The following PRSS38 variants were observed in gnomAD, a reference collection of about 807,000 sequenced individuals.
The protein encoded by PRSS38 is marapsin 2.
PRSS38 carries 22 observed loss-of-function variants against 26.8 expected under a neutral mutation model. The observed-to-expected ratio is 0.82, with a 90% CI of 0.59 to 1.17. The LOEUF is 1.17. Among genes scored for constraint, PRSS38 ranks in the 50% most tolerant of loss-of-function variants. The probability of loss-of-function intolerance (pLI) is 0.00; values close to 1 mark genes in which losing one functional copy is unlikely to be tolerated. For missense variants in PRSS38, 427 were observed against 422.7 expected, an observed-to-expected ratio of 1.01 and a Z score of -0.09; for synonymous variants, 175 against 172.1, an observed-to-expected ratio of 1.02 and a Z score of -0.13.
intron 3 of PRSS38, among the ~76,000 whole-genome samples, chr1:227,844,174 T>A (rs376408906): frequency 6.6e-6 from 1 of 152,200 alleles, no homozygotes; most frequent in East Asian, 1.9e-4. Context: ...AACACAGGAT[T>A]GGGGTTAGGG....
chr1:227,833,603 C>T lies in PRSS38; in HGVS notation c.584-11867C>T, dbSNP rs144969547. ...ACCATGAAGCTGCAATAGTCAAAAT[C>T]GTGGGTTATGGCATAAGGAGAGATA... On this transcript the variant is annotated intron_variant, in intron 3 of 4. Coordinates refer to ENST00000366757, the Ensembl canonical transcript of PRSS38. Among the ~76,000 whole-genome samples the T allele has an allele frequency of 4.0e-5, 6 of 151,886 alleles. No individual in the cohort carries two copies. In the East Asian group the frequency reaches 7.7e-4, roughly 20 times the overall value.
chr1:227,838,939 C>T (rs1316388081), intron 3 of PRSS38, among the ~76,000 whole-genome samples: 1 of 152,172 alleles, frequency 6.6e-6, no homozygotes, highest in Admixed American at 6.5e-5. Flanking sequence ...CCTGCCTTGG[C>T]CTCCCAAAGT....
intron 3 of PRSS38, among the ~76,000 whole-genome samples, chr1:227,836,130 G>C (rs933192719): frequency 5.3e-5 from 8 of 151,402 alleles, no homozygotes; most frequent in African/African-American, 1.9e-4. Flanking sequence ...ACAAGGTCTT[G>C]CTCTGTTGCC....
At chr1:227,840,317 C>T (rs2102684846) in intron 3 of PRSS38, among the ~76,000 whole-genome samples, 1 of 152,094 alleles carries the variant, frequency 6.6e-6, no homozygotes, top group African/African-American at 2.4e-5. Context: ...AGATGGGGGT[C>T]TCACTATGTT....
chr1:227,845,673 AG>A, intron 4 of PRSS38, 61 bp downstream of exon 4: 1 of 1,564,778 alleles, frequency 6.4e-7, no homozygotes, highest in Non-Finnish European at 8.7e-7. Context: ...TGGACCCCAC[AG>A]GACCCCACTC....
At chr1:227,827,958 A>T (rs1396597719) in intron 3 of PRSS38, among the ~76,000 whole-genome samples, 2 of 152,358 alleles carry the variant, frequency 1.3e-5, no homozygotes, top group East Asian at 3.9e-4. Context: ...ACCTAAAATC[A>T]TTCAAGAGCA....
intron 3 of PRSS38, among the ~76,000 whole-genome samples, chr1:227,830,602 G>A (rs1665140003): frequency 6.7e-6 from 1 of 149,682 alleles, no homozygotes; most frequent in South Asian, 2.1e-4. Flanking sequence ...CTGGGTTCAA[G>A]CGATTCTCCT....
intron 3 of PRSS38, among the ~76,000 whole-genome samples, chr1:227,819,440 AGT>A (rs1359405058): frequency 3.3e-5 from 5 of 152,220 alleles, no homozygotes; most frequent in Admixed American, 2.6e-4. Context: ...GTTTCTCAAA[AGT>A]ATGTGCACCC....
chr1:227,815,836 C>T (rs1213205234), exon 1 of PRSS38: 1 of 1,611,288 alleles, frequency 6.2e-7, no homozygotes, highest in Non-Finnish European at 8.5e-7. Flanking sequence ...AGCCAGAGAA[C>T]CAGGGAATCT....
chr1:227,815,861 G>T, exon 1 of PRSS38: 1 of 1,604,728 alleles, frequency 6.2e-7, no homozygotes, highest in Non-Finnish European at 8.5e-7. Flanking sequence ...AACTGGCAGC[G>T]TGGGTAGGCC....
intron 3 of PRSS38, among the ~76,000 whole-genome samples, chr1:227,839,812 G>A (rs563730666): frequency 2.6e-5 from 4 of 152,268 alleles, no homozygotes; most frequent in South Asian, 2.1e-4. Flanking sequence ...TAGAGTCACC[G>A]TCATCCAGCA....
rs578035548 is a variant in PRSS38, at chr1:227,816,487, C to T, written c.311+235C>T. 2.6e-5 allele frequency among the ~76,000 whole-genome samples: 4 copies of T among 152,052 alleles called. No homozygotes were observed. The highest frequency in any genetic ancestry group is 9.6e-5 in the African/African-American group (4 of 41,480). On this transcript the variant is annotated intron_variant, in intron 2 of 4. Coordinates refer to ENST00000366757, the Ensembl canonical transcript of PRSS38. The surrounding 1 kb of genome is among the most constrained non-coding windows in gnomAD (Gnocchi z 5.1). ...CACAGCCAGGTCCTCAAGAGTGATG[C>T]TGGTCCCCAAGATCACAGCCAGGTC...
intron 3 of PRSS38, among the ~76,000 whole-genome samples, chr1:227,834,703 G>A (rs1309111166): frequency 1.3e-5 from 2 of 151,056 alleles, no homozygotes; most frequent in African/African-American, 4.9e-5. Flanking sequence ...GGTGGCGAGT[G>A]CCTGTAGTGC....
Position 227,816,582 on chromosome 1 carries a change from C to T in PRSS38, c.311+330C>T, listed in dbSNP as rs1046319768. On this transcript the variant is annotated intron_variant, in intron 2 of 4. Transcript: ENST00000366757. The surrounding 1 kb of genome is among the most constrained non-coding windows in gnomAD (Gnocchi z 5.1). ...TGAGCTAGGTTGGTCCTCAAATGCACAGCCTGGTCCCCATGTGCAAGGCTG... is the reference window on the plus strand; with the variant it reads ...TGAGCTAGGTTGGTCCTCAAATGCATAGCCTGGTCCCCATGTGCAAGGCTG... Among the ~76,000 whole-genome samples, 4 of 151,966 alleles carry T rather than the reference C, an allele frequency of 2.6e-5. No individual in the cohort carries two copies. Among genetic ancestry groups the T allele is most frequent in the Admixed American group, 6.6e-5 (1 of 15,264 alleles).
chr1:227,845,266 T>C (rs530026017), intron 3 of PRSS38, among the ~76,000 whole-genome samples: 2 of 143,506 alleles, frequency 1.4e-5, no homozygotes, highest in Admixed American at 1.4e-4. Flanking sequence ...AGCTCCTATG[T>C]GTGGTCAGGA....
chr1:227,822,699 A>G (rs1264455232), intron 3 of PRSS38, among the ~76,000 whole-genome samples: 1 of 152,194 alleles, frequency 6.6e-6, no homozygotes. Context: ...CTAAAAACCA[A>G]CAAAACCAAA....
chr1:227,829,102 G>A (rs533020346), intron 3 of PRSS38, among the ~76,000 whole-genome samples: 22 of 152,226 alleles, frequency 1.4e-4, no homozygotes, highest in African/African-American at 4.8e-4. Flanking sequence ...GGGTGGACCT[G>A]TTTGCCTAGT....
At chr1:227,832,158 C>A (rs537305382) in intron 3 of PRSS38, among the ~76,000 whole-genome samples, 2 of 152,100 alleles carry the variant, frequency 1.3e-5, no homozygotes, top group Non-Finnish European at 2.9e-5. Flanking sequence ...CTTTTTTCAT[C>A]TTTTCACTTT....
chr1:227,839,696 G>A (rs932068640), intron 3 of PRSS38, among the ~76,000 whole-genome samples: 3 of 152,092 alleles, frequency 2.0e-5, no homozygotes, highest in Non-Finnish European at 4.4e-5. Flanking sequence ...GTCTTCTCCT[G>A]ACATCCTCGA....
Sources: allele counts gnomAD v4.1 joint callset (sites outside exome capture counted in the v4.1 genomes callset), GRCh38; gene constraint gnomAD v4.1.1; non-coding constraint Gnocchi (gnomAD v3.1); transcripts MANE v1.5; gene names NCBI Gene and HGNC (gene_info 2026-07-23, HGNC 2026-07-21).